Variants in FBXL17 observed in about 807,000 individuals in gnomAD.
FBXL17 encodes the protein F-box/LRR-repeat protein 17.
In FBXL17, 22 loss-of-function variants were observed where a neutral mutation model predicts 66.2. The ratio of observed to expected loss-of-function variants is 0.33; its 90% CI spans 0.24 to 0.47. The LOEUF is 0.47. FBXL17 is among the 20% of genes least tolerant of loss of function. The pLI is 1.00. For synonymous variants in FBXL17, 474 were observed against 400.5 expected (o/e 1.18, Z -2.19); for missense variants, 878 against 948.2 (o/e 0.93, Z 0.97).
intron 5 of FBXL17, among the ~76,000 whole-genome samples, chr5:108,216,707 C>A (rs1031345576): frequency 1.3e-5 from 2 of 152,088 alleles, no homozygotes; most frequent in East Asian, 1.9e-4. Flanking sequence ...CCCAGAGAGG[C>A]CCCCGCCTGT....
At position 108,220,576 on chromosome 5, in the gene FBXL17, G is replaced by A. The variant is rs115436714; in HGVS notation, c.1614+3545C>T. 8.5e-3 allele frequency among the ~76,000 whole-genome samples: 1,291 copies of A among 152,024 alleles called. 20 individuals are homozygous for A. The highest frequency in any genetic ancestry group is 0.029 in the African/African-American group (1,213 of 41,448). On this transcript the variant is annotated intron_variant, in intron 5 of 8. Transcript: ENST00000542267. Reference sequence around the variant, plus strand: ...CCTAAGCTGGAAGAAGTCCAGTTTCGTTTTGCTTATATCATTATAAACCCA... The same window carrying A: ...CCTAAGCTGGAAGAAGTCCAGTTTCATTTTGCTTATATCATTATAAACCCA...
At chr5:107,961,558 G>A (rs1158484217) in intron 7 of FBXL17, among the ~76,000 whole-genome samples, 1 of 152,076 alleles carries the variant, frequency 6.6e-6, no homozygotes, top group Non-Finnish European at 1.5e-5. Flanking sequence ...TGTGATGGGG[G>A]TGTAGAGTGG....
chr5:107,894,498 G>T (rs1051412728), intron 7 of FBXL17, among the ~76,000 whole-genome samples: 20 of 152,140 alleles, frequency 1.3e-4, no homozygotes, highest in African/African-American at 4.6e-4. Context: ...CTTTCCATAG[G>T]ATGCAGTTTG....
At position 108,186,051 on chromosome 5, in the gene FBXL17, A is replaced by G; in HGVS notation, c.1745+66T>C. On this transcript the variant is annotated intron_variant, in intron 6 of 8. Transcript: ENST00000542267. ...ATTTTAGTTATAGACATGCCTTGTT[A>G]TAATAATTAATATTTCCTAAATGTT... The G allele has an allele frequency of 9.3e-6, 12 of 1,288,722 alleles. No individual in the cohort carries two copies. In the South Asian group the frequency reaches 1.6e-4, roughly 17 times the overall value. 79.8% of individuals were successfully genotyped at this position (1,288,722 alleles called of 1,614,324 possible). A position where few individuals can be genotyped will look rare whatever the true frequency, so the allele number is the denominator to read the frequency against.
rs904860863 is a variant in FBXL17 at position 107,862,012 on chromosome 5, A to G, written c.1966-152T>C. ...ATGTGAGGAAGGGTTTTGTGAGGAGATATGTGTCCCATTTCATCTGACCTC... is the reference window on the plus strand; with the variant it reads ...ATGTGAGGAAGGGTTTTGTGAGGAGGTATGTGTCCCATTTCATCTGACCTC... On this transcript the variant is annotated intron_variant, in intron 8 of 8. Coordinates refer to ENST00000542267, the MANE Select transcript of FBXL17 (RefSeq NM_001163315.3). 39 of 711,816 alleles carry G rather than the reference A, an allele frequency of 5.5e-5. No homozygotes were observed. In the South Asian group the frequency reaches 1.5e-3, roughly 28 times the overall value. The allele number at this position is 711,816 out of a possible 1,614,324, so 44.1% of individuals were successfully genotyped here.
intron 4 of FBXL17, among the ~76,000 whole-genome samples, chr5:108,318,780 C>T (rs1326300992): frequency 6.6e-6 from 1 of 151,822 alleles, no homozygotes; most frequent in Non-Finnish European, 1.5e-5. Flanking sequence ...ATATTTCCAT[C>T]TATGGTATTA....
At position 107,880,893 on chromosome 5, in the gene FBXL17, A is replaced by G. The variant is rs540112921; in HGVS notation, c.1965+144T>C. On this transcript the variant is annotated intron_variant, in intron 8 of 8. Coordinates refer to ENST00000542267, the MANE Select transcript of FBXL17 (RefSeq NM_001163315.3). ...TTACAAAAGCAGGCAAACAATGCAT[A>G]GCTATAATTGCATATATACATATAA... The G allele has an allele frequency of 5.3e-5, 76 of 1,432,784 alleles. 1 individual carries two copies. In the South Asian group the frequency reaches 1.2e-3, roughly 22 times the overall value. The allele number at this position is 1,432,784 out of a possible 1,614,324, so 88.8% of individuals were successfully genotyped here.
At chr5:108,326,707 G>A (rs969607318) in intron 4 of FBXL17, among the ~76,000 whole-genome samples, 3 of 152,042 alleles carry the variant, frequency 2.0e-5, no homozygotes, top group Non-Finnish European at 4.4e-5. Context: ...ATTAGACACA[G>A]GGCTAACCAA....
intron 6 of FBXL17, among the ~76,000 whole-genome samples, chr5:108,032,675 T>C (rs939439220): frequency 2.0e-5 from 3 of 152,174 alleles, no homozygotes; most frequent in South Asian, 4.1e-4. Flanking sequence ...GATTCTTCCG[T>C]AGAGCCTCCA....
At chr5:108,244,572 A>G (rs971765949) in intron 4 of FBXL17, among the ~76,000 whole-genome samples, 14 of 152,298 alleles carry the variant, frequency 9.2e-5, no homozygotes, top group Non-Finnish European at 1.2e-4. Context: ...TCCTTTCTCT[A>G]TCTACATGGA....
At chr5:108,226,444 T>G (rs748730988) in intron 4 of FBXL17, among the ~76,000 whole-genome samples, 1 of 152,222 alleles carries the variant, frequency 6.6e-6, no homozygotes, top group Non-Finnish European at 1.5e-5. Flanking sequence ...TTTTTAAATG[T>G]CATTGTACTA....
At chr5:108,192,013 C>G (rs978136390) in intron 5 of FBXL17, among the ~76,000 whole-genome samples, 1 of 152,150 alleles carries the variant, frequency 6.6e-6, no homozygotes, top group African/African-American at 2.4e-5. Context: ...AGAGACGAAT[C>G]CCCAGTAACC....
intron 6 of FBXL17, among the ~76,000 whole-genome samples, chr5:108,120,896 T>C (rs1750466521): frequency 6.6e-6 from 1 of 152,156 alleles, no homozygotes; most frequent in Non-Finnish European, 1.5e-5. Flanking sequence ...TGAATGCTTA[T>C]CCTTAATCAC....
chr5:108,238,968 TAACA>T (rs1308850746), intron 4 of FBXL17, among the ~76,000 whole-genome samples: 1 of 152,198 alleles, frequency 6.6e-6, no homozygotes, highest in Non-Finnish European at 1.5e-5. Context: ...TAGAGAGCTA[TAACA>T]AATATTACTT....
At chr5:108,337,764 G>T (rs1760457799) in intron 4 of FBXL17, among the ~76,000 whole-genome samples, 1 of 150,276 alleles carries the variant, frequency 6.7e-6, no homozygotes, top group African/African-American at 2.4e-5. Context: ...TCTTTGAAAT[G>T]AGCCACTACA....
intron 6 of FBXL17, among the ~76,000 whole-genome samples, chr5:108,110,715 C>A: frequency 6.6e-6 from 1 of 151,584 alleles, no homozygotes; most frequent in South Asian, 2.1e-4. Flanking sequence ...AATCCTACTG[C>A]AGCTTTCTTT....
At chr5:108,311,383 G>A (rs1759109722) in intron 4 of FBXL17, among the ~76,000 whole-genome samples, 1 of 152,004 alleles carries the variant, frequency 6.6e-6, no homozygotes, top group South Asian at 2.1e-4. Flanking sequence ...TGTTGGCCAG[G>A]CTGGTTTTGA....
chr5:108,154,612 T>G (rs1388073502), intron 6 of FBXL17, among the ~76,000 whole-genome samples: 3 of 95,458 alleles, frequency 3.1e-5, no homozygotes, highest in African/African-American at 1.5e-4. Flanking sequence ...AAAAAATATA[T>G]ATATACACAC....
chr5:107,914,847 C>T (rs539353079), intron 7 of FBXL17, among the ~76,000 whole-genome samples: 1 of 152,298 alleles, frequency 6.6e-6, no homozygotes, highest in South Asian at 2.1e-4. Flanking sequence ...GAACTGTGAA[C>T]TGTTGCTCCA....
Sources: allele counts gnomAD v4.1 joint callset (sites outside exome capture counted in the v4.1 genomes callset), GRCh38; gene constraint gnomAD v4.1.1; transcripts MANE v1.5; gene names NCBI Gene and HGNC (gene_info 2026-07-23, HGNC 2026-07-21).